MCF2L: variants seen among roughly 807,000 people sequenced by gnomAD.
MCF2L encodes the protein guanine nucleotide exchange factor DBS.
A neutral mutation model predicts 153.4 loss-of-function variants in MCF2L; 97 were observed. That is an observed-to-expected ratio of 0.63 (90% CI 0.54 to 0.75). The LOEUF is 0.75. Among genes scored for constraint, MCF2L ranks in the 30% least tolerant of loss-of-function variants. The probability of loss-of-function intolerance (pLI) is 0.00; values close to 1 mark genes in which losing one functional copy is unlikely to be tolerated. For synonymous variants in MCF2L, 659 were observed against 632.2 expected, an observed-to-expected ratio of 1.04 and a Z score of -0.64; for missense variants, 1,347 against 1,495.2, an observed-to-expected ratio of 0.90 and a Z score of 1.64.
chr13:112,916,663 A>T (rs554966696), intron 2 of MCF2L, among the ~76,000 whole-genome samples: 21 of 152,198 alleles, frequency 1.4e-4, no homozygotes, highest in Admixed American at 3.9e-4. Flanking sequence ...AGCTGCATGA[A>T]GCGTTCCACC....
rs2081602840 is a variant in MCF2L, at chr13:112,943,786, A to G, written c.169+41415A>G. Among the ~76,000 whole-genome samples, 1 of 151,828 alleles carries G rather than the reference A, an allele frequency of 6.6e-6. No homozygotes were observed. Among genetic ancestry groups the G allele is most frequent in the South Asian group, 2.1e-4 (1 of 4,820 alleles). On this transcript the variant is annotated intron_variant, in intron 2 of 29. Coordinates refer to the MCF2L transcript ENST00000375608. The surrounding 1 kb of genome is among the most constrained non-coding windows in gnomAD (Gnocchi z 4.2). ...CTGGGAGCATTTTCTGGAAGCCTCC[A>G]CAGACTTCAGGCGGACCGGAAGGAC... is the stretch of plus-strand genomic sequence containing the variant.
chr13:113,015,073 G>A (rs1281950198), intron 2 of MCF2L, among the ~76,000 whole-genome samples: 1 of 152,202 alleles, frequency 6.6e-6, no homozygotes, highest in African/African-American at 2.4e-5. Flanking sequence ...GGTGGAGGAG[G>A]GTCAGGGTCC....
chr13:113,096,089 G>C lies in MCF2L; in HGVS notation c.3076-282G>C. The C allele has an allele frequency of 9.2e-6, 5 of 544,794 alleles. No homozygotes were observed. The South Asian group carries it at 1.1e-4, about 12-fold the overall frequency. The allele number at this position is 544,794 out of a possible 1,614,324, so 33.7% of individuals were successfully genotyped here. A position where few individuals can be genotyped will look rare whatever the true frequency, so the allele number is the denominator to read the frequency against. ...GGCCCTCCGGGAGGCGGGTATGCAG[G>C]CGCAAAGGCCCTGGGGCCGAGAGCT... On this transcript the variant is annotated intron_variant, in intron 27 of 29. Coordinates refer to ENST00000535094, the MANE Select transcript of MCF2L (RefSeq NM_001112732.3).
At chr13:113,090,917 C>T in intron 26 of MCF2L, 6 of 1,189,188 alleles carry the variant, frequency 5.0e-6, no homozygotes, top group Non-Finnish European at 6.4e-6. Context: ...AGCCCCCACT[C>T]CCATGCCCTC....
chr13:113,021,446 A>G (rs9577197), intron 2 of MCF2L, among the ~76,000 whole-genome samples: 27,588 of 152,112 alleles, frequency 0.18, 2,639 homozygotes, highest in East Asian at 0.29. Context: ...GAGAGTTCAC[A>G]TGCAGGTGTG....
chr13:113,084,013 G>A lies in MCF2L; in HGVS notation c.2007G>A (p.Glu669=). 6.2e-7 allele frequency: 1 copy of A among 1,613,882 alleles called. No individual in the cohort carries two copies. Among genetic ancestry groups the A allele is most frequent in the Non-Finnish European group, 8.5e-7 (1 of 1,179,776 alleles). ...YHFHNRIFLR[E]LENYTDCPEL... ...CTTTGTCTAGGATATTCCTCAGGGA[G>A]CTGGAAAACTACACTGACTGCCCAG... Residue 669 remains glutamate, a synonymous_variant, in exon 18 of 30, where the codon GAG becomes GAA. Coordinates refer to ENST00000535094, the MANE Select transcript of MCF2L (RefSeq NM_001112732.3).
chr13:112,944,208 G>T (rs1203103520), intron 2 of MCF2L, among the ~76,000 whole-genome samples: 1 of 149,484 alleles, frequency 6.7e-6, no homozygotes, highest in African/African-American at 2.5e-5. Context: ...GTCCCGGGCC[G>T]TGAGAGGAGG....
Position 113,028,483 on chromosome 13 carries a change from C to G in MCF2L, c.278+3725C>G, listed in dbSNP as rs1380488062. Among the ~76,000 whole-genome samples the G allele has an allele frequency of 6.6e-6, 1 of 152,206 alleles. No individual in the cohort carries two copies. The highest frequency in any genetic ancestry group is 1.5e-5 in the Non-Finnish European group (1 of 68,036). On this transcript the variant is annotated intron_variant, in intron 3 of 29. Coordinates refer to ENST00000535094, the MANE Select transcript of MCF2L (RefSeq NM_001112732.3). This position sits in a 1 kb window ranked among gnomAD's most constrained non-coding sequence, Gnocchi z 5.4. ...TGCAGGACAAGACCCACTCAGCCACCTCTGTAGATTGCGCATCTGTGAGTC... is the reference window on the plus strand; with the variant it reads ...TGCAGGACAAGACCCACTCAGCCACGTCTGTAGATTGCGCATCTGTGAGTC...
At chr13:113,017,384 C>T (rs1202471244) in intron 2 of MCF2L, among the ~76,000 whole-genome samples, 1 of 152,226 alleles carries the variant, frequency 6.6e-6, no homozygotes, top group Non-Finnish European at 1.5e-5. Context: ...CTCACCTGTA[C>T]GTCGGTGTCT....
At chr13:113,023,287 A>C (rs2085014000) in intron 2 of MCF2L, among the ~76,000 whole-genome samples, 1 of 152,196 alleles carries the variant, frequency 6.6e-6, no homozygotes, top group South Asian at 2.1e-4. Flanking sequence ...TGTATCAGAT[A>C]ATGAGTCATG....
chr13:112,954,722 G>T (rs1171725289), intron 2 of MCF2L, among the ~76,000 whole-genome samples: 1 of 152,226 alleles, frequency 6.6e-6, no homozygotes, highest in African/African-American at 2.4e-5. Context: ...GACCTCTGGG[G>T]TGCTTTTTGC....
intron 4 of MCF2L, among the ~76,000 whole-genome samples, chr13:113,058,471 CTTAGGTGCTGTGTGT>C (rs1485080804): frequency 9.0e-6 from 1 of 111,134 alleles, no homozygotes; most frequent in Non-Finnish European, 1.9e-5. Flanking sequence ...GTGCTGAGTG[CTTAGGTGCTGTGTGT>C]TTGGGTGCTG....
intron 1 of MCF2L, among the ~76,000 whole-genome samples, chr13:112,994,912 C>T (rs1017059174): frequency 2.6e-5 from 4 of 152,216 alleles, no homozygotes; most frequent in South Asian, 2.1e-4. Flanking sequence ...GTGTGTGGCT[C>T]GGTTTTATCG....
At chr13:112,928,582 A>G (rs1336952913) in intron 2 of MCF2L, among the ~76,000 whole-genome samples, 2 of 152,258 alleles carry the variant, frequency 1.3e-5, no homozygotes, top group South Asian at 2.1e-4. Flanking sequence ...CAAAAAAGTC[A>G]TGATGACTGT....
At chr13:112,896,454 G>A (rs2081068569) in intron 1 of MCF2L, among the ~76,000 whole-genome samples, 1 of 147,000 alleles carries the variant, frequency 6.8e-6, no homozygotes, top group South Asian at 2.1e-4. Context: ...CTTCAGAAGA[G>A]AGGCCCCCCC....
intron 1 of MCF2L, among the ~76,000 whole-genome samples, chr13:112,981,228 C>T (rs561968182): frequency 2.1e-4 from 32 of 152,310 alleles, no homozygotes; most frequent in Admixed American, 4.6e-4. Flanking sequence ...GACATCCCCT[C>T]ACTGTACATA....
chr13:112,971,421 G>A (rs1033409757), intron 1 of MCF2L, among the ~76,000 whole-genome samples: 1 of 152,214 alleles, frequency 6.6e-6, no homozygotes, highest in Non-Finnish European at 1.5e-5. Context: ...GGCGGCTGGT[G>A]TAGGTCCTCA....
At chr13:113,014,686 G>T (rs577625405) in intron 1 of MCF2L, 77 bp from the exon 2 acceptor site, 3 of 1,252,378 alleles carry the variant, frequency 2.4e-6, no homozygotes, top group African/African-American at 1.5e-5. Context: ...TGCCAGCTCC[G>T]TGTGGGATCG....
chr13:112,918,698 G>T (rs1022523398), intron 2 of MCF2L, among the ~76,000 whole-genome samples: 1 of 152,220 alleles, frequency 6.6e-6, no homozygotes, highest in South Asian at 2.1e-4. Flanking sequence ...TCTCCTGGGA[G>T]GTGCTGTGGA....
Sources: allele counts gnomAD v4.1 joint callset (sites outside exome capture counted in the v4.1 genomes callset), GRCh38; gene constraint gnomAD v4.1.1; non-coding constraint Gnocchi (gnomAD v3.1); transcripts MANE v1.5; gene names NCBI Gene and HGNC (gene_info 2026-07-23, HGNC 2026-07-21).